Variants in CADPS observed in about 807,000 individuals in gnomAD.
CADPS encodes the protein calcium-dependent secretion activator 1.
CADPS carries 57 observed loss-of-function variants against 167.3 expected under a neutral mutation model. That is an observed-to-expected ratio of 0.34 (90% CI 0.28 to 0.42). The LOEUF is 0.42. Ranked by LOEUF, CADPS falls within the 20% of genes least tolerant of loss-of-function variation. CADPS has a pLI of 1.00. For synonymous variants in CADPS, 676 were observed against 635.3 expected (o/e 1.06, Z -0.96); for missense variants, 1,414 against 1,738.1 (o/e 0.81, Z 3.32).
At chr3:62,774,667 T>C (rs1382259211) in intron 1 of CADPS, among the ~76,000 whole-genome samples, 1 of 152,250 alleles carries the variant, frequency 6.6e-6, no homozygotes, top group Non-Finnish European at 1.5e-5. Context: ...AATAATATTT[T>C]CCAAAACAAA....
chr3:62,753,576 C>A lies in CADPS; in HGVS notation c.753G>T (p.Pro251=), dbSNP rs139451750. ...CTGTCATCCGGGCCTGCTGCTTCCG[C>A]GGGTCCTCTTCTCCACGGTAGATGG... is the stretch of plus-strand genomic sequence containing the variant. ...FDAIYRGEED[P]RKQQARMTAS... is the part of the protein sequence containing the mutation. Residue 251 remains proline, a synonymous_variant, in exon 3 of 30, where the codon CCG becomes CCT. Transcript: ENST00000383710. This position sits in a 1 kb window ranked among gnomAD's most constrained non-coding sequence, Gnocchi z 4.6. The A allele has an allele frequency of 6.2e-7, 1 of 1,614,146 alleles. No homozygotes were observed. Among genetic ancestry groups the A allele is most frequent in the Non-Finnish European group, 8.5e-7 (1 of 1,180,038 alleles).
chr3:62,808,906 CCTCTTCCTCCTCCAA>C (rs1362400941), intron 1 of CADPS, among the ~76,000 whole-genome samples: 28 of 152,266 alleles, frequency 1.8e-4, no homozygotes, highest in African/African-American at 3.9e-4. Context: ...CCATCCTAAA[CCTCTTCCTCCTCCAA>C]CTCTTCCTCC....
rs1027412833 is a variant in CADPS, at chr3:62,458,649, T to C, written c.3636+6718A>G. 6.6e-5 allele frequency among the ~76,000 whole-genome samples: 10 copies of C among 152,112 alleles called. No individual in the cohort carries two copies. Among genetic ancestry groups the C allele is most frequent in the African/African-American group, 2.4e-4 (10 of 41,432 alleles). On this transcript the variant is annotated intron_variant, in intron 26 of 29. Transcript: ENST00000383710. The surrounding 1 kb of genome is among the most constrained non-coding windows in gnomAD (Gnocchi z 4.6). ...GATTACAGGCACCTGCCACCATGCC[T>C]GGCTAATTTTTGTATTTTTAGTAGA...
chr3:62,477,392 G>A (rs190671919), intron 23 of CADPS, among the ~76,000 whole-genome samples: 6 of 151,950 alleles, frequency 3.9e-5, no homozygotes, highest in Non-Finnish European at 8.8e-5. Context: ...GTATCTGGGG[G>A]TAGACAGAGT....
chr3:62,811,895 T>C (rs2094410508), intron 1 of CADPS, among the ~76,000 whole-genome samples: 1 of 152,220 alleles, frequency 6.6e-6, no homozygotes, highest in East Asian at 1.9e-4. Context: ...CTAGTATTTA[T>C]TTGGCTTTAA....
intron 3 of CADPS, among the ~76,000 whole-genome samples, chr3:62,710,018 C>T (rs561966572): frequency 4.6e-5 from 7 of 152,196 alleles, no homozygotes; most frequent in South Asian, 2.1e-4. Flanking sequence ...CTGCCCACCT[C>T]GGCCTCCCAA....
At chr3:62,495,442 G>T (rs1326811963) in intron 18 of CADPS, among the ~76,000 whole-genome samples, 1 of 152,200 alleles carries the variant, frequency 6.6e-6, no homozygotes, top group Non-Finnish European at 1.5e-5. Flanking sequence ...GCTCATACAG[G>T]TGAATGCTAT....
chr3:62,655,730 A>G (rs2071388006), intron 4 of CADPS, among the ~76,000 whole-genome samples: 1 of 152,078 alleles, frequency 6.6e-6, no homozygotes, highest in Non-Finnish European at 1.5e-5. Flanking sequence ...GATCAGAAGG[A>G]GGAATGTGAC....
chr3:62,737,716 C>T (rs1174303104), intron 3 of CADPS, among the ~76,000 whole-genome samples: 2 of 152,122 alleles, frequency 1.3e-5, no homozygotes, highest in Non-Finnish European at 2.9e-5. Flanking sequence ...CCACACTGAT[C>T]TTATGTCTTG....
At chr3:62,493,540 A>C (rs181583849) in intron 19 of CADPS, 105 bp downstream of exon 19, 48 of 828,172 alleles carry the variant, frequency 5.8e-5, no homozygotes, top group Non-Finnish European at 3.8e-5. Context: ...TTCAATGGCC[A>C]AGCTCTTCTG....
At chr3:62,757,262 A>G (rs941579528) in intron 2 of CADPS, among the ~76,000 whole-genome samples, 1 of 152,114 alleles carries the variant, frequency 6.6e-6, no homozygotes, top group African/African-American at 2.4e-5. Flanking sequence ...CCTCAGTTAT[A>G]AGCTCTCAGC....
intron 10 of CADPS, among the ~76,000 whole-genome samples, chr3:62,554,785 C>A (rs913944687): frequency 1.3e-5 from 2 of 152,188 alleles, no homozygotes; most frequent in Non-Finnish European, 2.9e-5. Flanking sequence ...CAGAGTCTCT[C>A]TCTGTTGCCC....
intron 1 of CADPS, among the ~76,000 whole-genome samples, chr3:62,871,524 C>G (rs992363900): frequency 6.6e-6 from 1 of 152,064 alleles, no homozygotes; most frequent in Admixed American, 6.5e-5. Flanking sequence ...TAGCCAGTAT[C>G]TCATATTAAA....
At chr3:62,517,405 C>T (rs988241171) in intron 14 of CADPS, among the ~76,000 whole-genome samples, 4 of 152,162 alleles carry the variant, frequency 2.6e-5, no homozygotes, top group Non-Finnish European at 5.9e-5. Flanking sequence ...CTCAGCCTCA[C>T]TTTGTTCCTG....
At position 62,398,517 on chromosome 3, in the gene CADPS, A is replaced by G. The variant is rs1704840047; in HGVS notation, c.*889T>C. On this transcript the variant is annotated 3_prime_UTR_variant, in exon 30 of 30. Transcript: ENST00000383710. ...AGTTACAGATCAAAATGCAATGTAC[A>G]TGACAGATATAAAAAACAGTGTGGA... The G allele has an allele frequency of 6.5e-6, 1 of 152,672 alleles. No homozygotes were observed. The highest frequency in any genetic ancestry group is 1.5e-5 in the Non-Finnish European group (1 of 68,046). The allele number at this position is 152,672 out of a possible 1,614,324, so 9.5% of individuals were successfully genotyped here.
intron 3 of CADPS, among the ~76,000 whole-genome samples, chr3:62,696,418 C>T (rs1400530777): frequency 6.6e-6 from 1 of 152,072 alleles, no homozygotes; most frequent in Non-Finnish European, 1.5e-5. Flanking sequence ...CTTTGCACCT[C>T]ATTGCATCCC....
At chr3:62,739,020 C>A (rs190399291) in intron 3 of CADPS, among the ~76,000 whole-genome samples, 1 of 152,150 alleles carries the variant, frequency 6.6e-6, no homozygotes, top group Non-Finnish European at 1.5e-5. Flanking sequence ...TATAACGACA[C>A]CTTTTGCAAT....
intron 3 of CADPS, among the ~76,000 whole-genome samples, chr3:62,692,812 A>G (rs1235321880): frequency 4.6e-5 from 7 of 152,000 alleles, no homozygotes; most frequent in Non-Finnish European, 8.8e-5. Context: ...GATCAGTTTG[A>G]ATTTTAGATT....
At chr3:62,775,362 T>C (rs1468284834) in intron 1 of CADPS, among the ~76,000 whole-genome samples, 1 of 152,096 alleles carries the variant, frequency 6.6e-6, no homozygotes, top group African/African-American at 2.4e-5. Context: ...CCGTAAGTGG[T>C]TTTATTTTTT....
Sources: allele counts gnomAD v4.1 joint callset (sites outside exome capture counted in the v4.1 genomes callset), GRCh38; gene constraint gnomAD v4.1.1; non-coding constraint Gnocchi (gnomAD v3.1); transcripts MANE v1.5; gene names NCBI Gene and HGNC (gene_info 2026-07-23, HGNC 2026-07-21).